ALKAL1: variants seen among roughly 807,000 people sequenced by gnomAD.
The protein encoded by ALKAL1 is ALK and LTK ligand 1, also known as AUG-beta.
Under a neutral mutation model 13.5 loss-of-function variants are expected in ALKAL1, and 23 were observed. That is an observed-to-expected ratio of 1.70 (90% confidence interval 1.23 to 2.41). The LOEUF (loss-of-function observed/expected upper bound fraction) is 2.41. Ranked by LOEUF, ALKAL1 falls within the 30% of genes most tolerant of loss-of-function variation. The pLI is 0.00. For missense variants in ALKAL1, 181 were observed against 178.4 expected, an observed-to-expected ratio of 1.01 and a Z score of -0.08; for synonymous variants, 85 against 77.7, an observed-to-expected ratio of 1.09 and a Z score of -0.49.
At chr8:52,560,611 CAA>C (rs1847538374) in intron 1 of ALKAL1, among the ~76,000 whole-genome samples, 1 of 152,164 alleles carries the variant, frequency 6.6e-6, no homozygotes, top group African/African-American at 2.4e-5. Context: ...TCATTTCAGG[CAA>C]AGAGAACCCC....
chr8:52,541,773 A>G (rs1005733705), intron 2 of ALKAL1, among the ~76,000 whole-genome samples: 1 of 152,128 alleles, frequency 6.6e-6, no homozygotes, highest in Non-Finnish European at 1.5e-5. Context: ...AAATAATAAT[A>G]ATAAATAAAT....
chr8:52,549,978 G>A (rs2150346003), intron 1 of ALKAL1, among the ~76,000 whole-genome samples: 1 of 152,104 alleles, frequency 6.6e-6, no homozygotes, highest in South Asian at 2.1e-4. Flanking sequence ...TAAATTAAAA[G>A]CATTTAAAAA....
chr8:52,534,965 A>C, intron 4 of ALKAL1, among the ~76,000 whole-genome samples: 1 of 152,324 alleles, frequency 6.6e-6, no homozygotes, highest in East Asian at 1.9e-4. Context: ...GATAACTCCT[A>C]TAGAGAGAAA....
intron 1 of ALKAL1, among the ~76,000 whole-genome samples, chr8:52,553,995 G>A (rs183501808): frequency 2.7e-4 from 41 of 152,234 alleles, no homozygotes; most frequent in Non-Finnish European, 8.8e-5. Context: ...AGGCCGAGGC[G>A]GGCAGATCAC....
chr8:52,538,116 G>T (rs1847279780), intron 4 of ALKAL1, among the ~76,000 whole-genome samples: 2 of 151,494 alleles, frequency 1.3e-5, no homozygotes, highest in African/African-American at 2.4e-5. Flanking sequence ...CTAAAGAGGA[G>T]TGGGGAGGCG....
intron 1 of ALKAL1, among the ~76,000 whole-genome samples, chr8:52,549,428 C>T (rs1358806787): frequency 6.7e-6 from 1 of 149,676 alleles, no homozygotes; most frequent in Non-Finnish European, 1.5e-5. Flanking sequence ...AAAAGCTATA[C>T]TATATTAAAT....
At chr8:52,560,133 T>C (rs1192424021) in intron 1 of ALKAL1, among the ~76,000 whole-genome samples, 2 of 152,112 alleles carry the variant, frequency 1.3e-5, no homozygotes, top group Admixed American at 6.6e-5. Flanking sequence ...AAAAAAACGC[T>C]ATCTGTGTTC....
intron 4 of ALKAL1, among the ~76,000 whole-genome samples, chr8:52,535,281 C>T (rs1223026214): frequency 6.6e-6 from 1 of 151,702 alleles, no homozygotes; most frequent in Non-Finnish European, 1.5e-5. Context: ...GGCACAATGG[C>T]TCATGTGTAT....
At chr8:52,554,399 C>T (rs976571002) in intron 1 of ALKAL1, among the ~76,000 whole-genome samples, 1 of 152,186 alleles carries the variant, frequency 6.6e-6, no homozygotes, top group Non-Finnish European at 1.5e-5. Flanking sequence ...TAGGCAGTGA[C>T]ATTTATCAAC....
At chr8:52,561,859 T>C (rs1847554281) in intron 1 of ALKAL1, among the ~76,000 whole-genome samples, 2 of 152,188 alleles carry the variant, frequency 1.3e-5, no homozygotes, top group Admixed American at 1.3e-4. Context: ...AAACATTTAC[T>C]GAAATCTCTT....
intron 4 of ALKAL1, among the ~76,000 whole-genome samples, chr8:52,535,006 A>T (rs1005542126): frequency 1.3e-5 from 2 of 152,198 alleles, no homozygotes; most frequent in African/African-American, 4.8e-5. Context: ...ATAATTTTTA[A>T]AAGTCATGTT....
At chr8:52,545,677 C>T (rs1847362247) in intron 1 of ALKAL1, among the ~76,000 whole-genome samples, 1 of 152,210 alleles carries the variant, frequency 6.6e-6, no homozygotes, top group African/African-American at 2.4e-5. Flanking sequence ...ACCTTAAGCA[C>T]ATGTCAGCAG....
At chr8:52,542,731 G>T (rs148369603) in intron 1 of ALKAL1, among the ~76,000 whole-genome samples, 6 of 152,292 alleles carry the variant, frequency 3.9e-5, no homozygotes, top group African/African-American at 1.4e-4. Context: ...TGTTTCTCCC[G>T]TGTTCCTCAG....
Position 52,565,298 on chromosome 8 carries a change from T to C in ALKAL1, c.-42A>G. On this transcript the variant is annotated 5_prime_UTR_variant, in exon 1 of 5. Transcript: ENST00000358543. ...GAGAGAGCGGGAGACTCCGGGAGGA[T>C]CCCGACGCAGGTCCGGAGGGTGCGC... The C allele has an allele frequency of 7.9e-7, 1 of 1,258,276 alleles. No homozygotes were observed. The highest frequency in any genetic ancestry group is 4.2e-5 in the Admixed American group (1 of 23,750). 77.9% of individuals were successfully genotyped at this position (1,258,276 alleles called of 1,614,324 possible).
chr8:52,560,773 G>A (rs76957744), intron 1 of ALKAL1, among the ~76,000 whole-genome samples: 1 of 146,014 alleles, frequency 6.8e-6, no homozygotes, highest in South Asian at 2.2e-4. Context: ...ATCTCAGAAT[G>A]AGTATTTATG....
At chr8:52,547,559 T>C (rs556874053) in intron 1 of ALKAL1, among the ~76,000 whole-genome samples, 1 of 152,174 alleles carries the variant, frequency 6.6e-6, no homozygotes, top group East Asian at 1.9e-4. Context: ...CCGCAAACAA[T>C]GAAACTAGTT....
At chr8:52,558,949 T>C (rs1425684731) in intron 1 of ALKAL1, among the ~76,000 whole-genome samples, 3 of 151,824 alleles carry the variant, frequency 2.0e-5, no homozygotes, top group African/African-American at 4.8e-5. Flanking sequence ...CCACTCATGA[T>C]GGAAAGTGAA....
intron 4 of ALKAL1, among the ~76,000 whole-genome samples, chr8:52,535,974 T>C (rs1346436347): frequency 6.6e-6 from 1 of 152,176 alleles, no homozygotes; most frequent in Non-Finnish European, 1.5e-5. Flanking sequence ...AGTCTCGCTC[T>C]GTTGCCAAGC....
chr8:52,550,452 G>A (rs138882680), intron 1 of ALKAL1, among the ~76,000 whole-genome samples: 1 of 152,246 alleles, frequency 6.6e-6, no homozygotes, highest in South Asian at 2.1e-4. Context: ...TTGAGTAGTT[G>A]CAAGCACTTT....
Sources: gnomAD v4.1 joint callset for allele counts (sites outside exome capture counted in the v4.1 genomes callset) on GRCh38, gnomAD v4.1.1 for gene constraint, MANE v1.5 for transcripts, NCBI Gene and HGNC (gene_info 2026-07-23, HGNC 2026-07-21) for gene names.